The following PAK5 variants were observed in gnomAD, a reference collection of about 807,000 sequenced individuals.
PAK5 encodes the protein serine/threonine-protein kinase PAK 5.
A neutral mutation model predicts 65.9 loss-of-function variants in PAK5; 16 were observed. The ratio of observed to expected loss-of-function variants is 0.24; its 90% confidence interval spans 0.16 to 0.37. The LOEUF is 0.37. PAK5 is among the 10% of genes least tolerant of loss of function. The pLI, the probability that PAK5 is intolerant of heterozygous loss-of-function variation, is 1.00. For missense variants in PAK5, 785 were observed against 903.9 expected (o/e 0.87, Z 1.69); for synonymous variants, 371 against 354.9 (o/e 1.05, Z -0.51).
At chr20:9,766,257 T>C (rs74211088) in intron 1 of PAK5, among the ~76,000 whole-genome samples, 11,174 of 119,828 alleles carry the variant, frequency 0.093, 966 homozygotes, top group Non-Finnish European at 0.11. Context: ...TATATATATG[T>C]TCTAATTGAA....
At chr20:9,735,589 C>T (rs972416507) in intron 1 of PAK5, among the ~76,000 whole-genome samples, 6 of 151,966 alleles carry the variant, frequency 3.9e-5, no homozygotes, top group African/African-American at 1.2e-4. Flanking sequence ...CCAGATTGAG[C>T]GCTGCCCTAG....
chr20:9,762,655 G>A (rs1346740077), intron 1 of PAK5, among the ~76,000 whole-genome samples: 2 of 152,006 alleles, frequency 1.3e-5, no homozygotes, highest in African/African-American at 4.8e-5. Context: ...TGGGACTCTG[G>A]TACACTATTT....
chr20:9,627,078 T>C (rs981503129), intron 3 of PAK5, among the ~76,000 whole-genome samples: 4 of 152,194 alleles, frequency 2.6e-5, no homozygotes, highest in African/African-American at 9.6e-5. Flanking sequence ...AATGAAAGGT[T>C]TTTAGAAATA....
intron 1 of PAK5, among the ~76,000 whole-genome samples, chr20:9,745,733 G>A (rs73245025): frequency 4.1e-4 from 62 of 152,164 alleles, no homozygotes; most frequent in African/African-American, 1.5e-3. Flanking sequence ...TGATACCAAT[G>A]CTGCCACTCC....
chr20:9,602,110 G>A (rs2046370594), intron 3 of PAK5, among the ~76,000 whole-genome samples: 1 of 151,898 alleles, frequency 6.6e-6, no homozygotes. Context: ...GGTCAACATA[G>A]TGAAACCCCG....
intron 9 of PAK5, among the ~76,000 whole-genome samples, chr20:9,540,330 C>A (rs2122877249): frequency 6.6e-6 from 1 of 152,316 alleles, no homozygotes; most frequent in South Asian, 2.1e-4. Context: ...AGATATAGAA[C>A]TTTTCTACCA....
intron 3 of PAK5, among the ~76,000 whole-genome samples, chr20:9,641,119 C>T (rs1375354439): frequency 6.6e-6 from 1 of 152,004 alleles, no homozygotes; most frequent in Admixed American, 6.6e-5. Flanking sequence ...CAAAGGTTCT[C>T]CACCTCCCCA....
intron 1 of PAK5, among the ~76,000 whole-genome samples, chr20:9,771,226 A>G (rs146882674): frequency 8.4e-4 from 128 of 152,240 alleles, no homozygotes; most frequent in African/African-American, 2.7e-3. Flanking sequence ...GAGATAAGAT[A>G]TTTTGACTCA....
chr20:9,784,012 A>T (rs747733757), intron 1 of PAK5, among the ~76,000 whole-genome samples: 2 of 152,194 alleles, frequency 1.3e-5, no homozygotes, highest in Non-Finnish European at 2.9e-5. Flanking sequence ...CTACCATGAG[A>T]CTGTAATTTA....
intron 2 of PAK5, among the ~76,000 whole-genome samples, chr20:9,708,908 G>A (rs1271215043): frequency 7.1e-6 from 1 of 141,526 alleles, no homozygotes. Flanking sequence ...GAAACAATAA[G>A]GCACCTTTTC....
chr20:9,792,835 C>T (rs545011652), intron 1 of PAK5, among the ~76,000 whole-genome samples: 183 of 152,188 alleles, frequency 1.2e-3, no homozygotes, highest in African/African-American at 4.3e-3. Flanking sequence ...TGGAAGTTGG[C>T]ACCTGGAATC....
chr20:9,657,257 G>T (rs560454087), intron 2 of PAK5, among the ~76,000 whole-genome samples: 140 of 152,256 alleles, frequency 9.2e-4, no homozygotes, highest in African/African-American at 3.2e-3. Context: ...ATGACCATCT[G>T]GGATGGTCCT....
intron 1 of PAK5, among the ~76,000 whole-genome samples, chr20:9,832,231 G>T (rs1978778050): frequency 6.6e-6 from 1 of 151,802 alleles, no homozygotes; most frequent in Non-Finnish European, 1.5e-5. Flanking sequence ...AAAACAAGAG[G>T]AATAGTGTGT....
chr20:9,676,404 A>T (rs2047573079), intron 2 of PAK5, among the ~76,000 whole-genome samples: 5 of 152,192 alleles, frequency 3.3e-5, no homozygotes, highest in South Asian at 4.1e-4. Context: ...TAAAATTATG[A>T]TTTATTATTT....
intron 2 of PAK5, among the ~76,000 whole-genome samples, chr20:9,658,170 C>T (rs2047294851): frequency 1.3e-5 from 2 of 152,196 alleles, no homozygotes; most frequent in Non-Finnish European, 2.9e-5. Context: ...GATCAGTTAG[C>T]TTTGGCTGCA....
Position 9,537,912 on chromosome 20 carries a change from T to C in PAK5, c.*1550A>G, listed in dbSNP as rs769831907. ...CAGTGATAAATAATTAGCAACCTAT[T>C]AATTACAAAAATTCTTAATTATGCT... On this transcript the variant is annotated 3_prime_UTR_variant, in exon 10 of 10. Transcript: ENST00000353224. The C allele has an allele frequency of 1.0e-4, 23 of 229,902 alleles. No individual in the cohort carries two copies. In the Middle Eastern group the frequency reaches 9.2e-3, roughly 92 times the overall value. 14.2% of individuals were successfully genotyped at this position (229,902 alleles called of 1,614,324 possible).
intron 4 of PAK5, among the ~76,000 whole-genome samples, chr20:9,567,941 G>A (rs1028280868): frequency 4.6e-5 from 7 of 152,190 alleles, no homozygotes; most frequent in African/African-American, 1.4e-4. Context: ...GAGGGAAAAA[G>A]CAAGATCCCT....
rs536627127 is a variant in PAK5, at chr20:9,724,118, C to G, written c.-161-12683G>C. On this transcript the variant is annotated intron_variant, in intron 1 of 9. Coordinates refer to ENST00000353224, the MANE Select transcript of PAK5 (RefSeq NM_177990.4). ...ACTGAAGCATAAATGAATGACTAAA[C>G]CACAAAATCGAGGTTATTTACTTCC... Among the ~76,000 whole-genome samples, 116 of 152,242 alleles carry G rather than the reference C, an allele frequency of 7.6e-4. 1 individual carries two copies. Among genetic ancestry groups the G allele is most frequent in the Non-Finnish European group, 1.4e-3 (96 of 68,016 alleles).
At chr20:9,774,752 G>A (rs2048868942) in intron 1 of PAK5, among the ~76,000 whole-genome samples, 2 of 151,880 alleles carry the variant, frequency 1.3e-5, no homozygotes. Context: ...GACCATCCTG[G>A]CTAACATGGT....
Sources: gnomAD v4.1 joint callset for allele counts (sites outside exome capture counted in the v4.1 genomes callset) on GRCh38, gnomAD v4.1.1 for gene constraint, MANE v1.5 for transcripts, NCBI Gene and HGNC (gene_info 2026-07-23, HGNC 2026-07-21) for gene names.